VPS13D: variants seen among roughly 807,000 people sequenced by gnomAD.
VPS13D encodes the protein vacuolar protein sorting 13 homolog D, also known as intermembrane lipid transfer protein VPS13D.
In VPS13D, 187 loss-of-function variants were observed where a neutral mutation model predicts 461.9. That is an observed-to-expected ratio of 0.40 (90% confidence interval 0.36 to 0.46). The LOEUF is 0.46. Ranked by LOEUF, VPS13D falls within the 20% of genes least tolerant of loss-of-function variation. The pLI is 0.60. For missense variants in VPS13D, 4,711 were observed against 5,364.9 expected (o/e 0.88, Z 3.81); for synonymous variants, 1,951 against 1,986.3 (o/e 0.98, Z 0.47).
rs1557705859 is a variant in VPS13D at position 12,318,209 on chromosome 1, C to T, written c.7286C>T (p.Ser2429Phe). 6.2e-7 allele frequency: 1 copy of T among 1,614,226 alleles called. No individual in the cohort carries two copies. Among genetic ancestry groups the T allele is most frequent in the South Asian group, 1.1e-5 (1 of 91,080 alleles). Residue 2429 changes from serine to phenylalanine, a missense_variant, in exon 31 of 70, where the codon TCT becomes TTT. Physicochemically the swap from Ser to Phe is radical, Grantham distance 155. Coordinates refer to ENST00000620676, the MANE Select transcript of VPS13D (RefSeq NM_015378.4). ...DIKKQNHVTP[S>F]RHRNSSSESA... The stretch of plus-strand genomic sequence containing the variant: ...AAGAAACAAAATCATGTTACTCCTT[C>T]TCGCCACCGTAACTCTAGCAGCGAA...
chr1:12,453,339 T>G (rs1455620797), intron 65 of VPS13D, among the ~76,000 whole-genome samples: 4 of 152,080 alleles, frequency 2.6e-5, no homozygotes, highest in African/African-American at 9.7e-5. Context: ...TAAAGAGCAC[T>G]TTACCCTATC....
At position 12,282,934 on chromosome 1, in the gene VPS13D, A is replaced by T; in HGVS notation, c.4832A>T (p.Glu1611Val). ...NTSQKSLSVK[E>V]VKSFTQIQAT... ...TCTCAGAAGTCATTGTCAGTGAAGG[A>T]AGTCAAATCCTTTACTCAGATTCAA... The change falls in exon 21 of 70, where the codon GAA becomes GTA. Residue 1611 changes from glutamate to valine, a missense_variant. Transcript: ENST00000620676. The T allele has an allele frequency of 6.2e-7, 1 of 1,614,172 alleles. No homozygotes were observed. The highest frequency in any genetic ancestry group is 8.5e-7 in the Non-Finnish European group (1 of 1,180,016).
chr1:12,508,355 G>C (rs765940389), intron 69 of VPS13D, among the ~76,000 whole-genome samples: 23 of 152,054 alleles, frequency 1.5e-4, no homozygotes, highest in Non-Finnish European at 2.5e-4. Context: ...TATGGCCGTG[G>C]GGGGGAGTTC....
intron 5 of VPS13D, among the ~76,000 whole-genome samples, chr1:12,245,941 C>T (rs1640537786): frequency 6.6e-6 from 1 of 152,126 alleles, no homozygotes; most frequent in Non-Finnish European, 1.5e-5. Flanking sequence ...CACTTTATTC[C>T]TTTTTATGAC....
intron 63 of VPS13D, among the ~76,000 whole-genome samples, chr1:12,408,954 G>A (rs183956914): frequency 1.3e-5 from 2 of 152,252 alleles, no homozygotes; most frequent in East Asian, 3.9e-4. Context: ...GTCTGGTTAT[G>A]TCACTTGTCT....
Position 12,271,054 on chromosome 1 carries a change from A to G in VPS13D, c.2033A>G (p.Asn678Ser). The change falls in exon 17 of 70, where the codon AAC becomes AGC. Residue 678 changes from asparagine to serine, a missense_variant. This residue lies in a region of VPS13D where 4,411 missense variants were observed against 4,937.8 expected (regional missense o/e 0.89). Transcript: ENST00000620676. ...RVAEAARRQY[N>S]KLKMQTKAEI... ...GCTGAAGCTGCCCGAAGACAATATA[A>G]CAAGCTGAAGATGCAGACCAAGGCA... is the stretch of plus-strand genomic sequence containing the variant. 1 of 1,613,944 alleles carries G rather than the reference A, an allele frequency of 6.2e-7. No homozygotes were observed. Among genetic ancestry groups the G allele is most frequent in the Non-Finnish European group, 8.5e-7 (1 of 1,179,934 alleles).
chr1:12,492,056 C>G (rs1436457923), intron 67 of VPS13D, among the ~76,000 whole-genome samples: 1 of 152,210 alleles, frequency 6.6e-6, no homozygotes, highest in Non-Finnish European at 1.5e-5. Flanking sequence ...TTGGCCACCT[C>G]TTGTTCGGTG....
At chr1:12,472,518 A>T (rs1027558274) in intron 67 of VPS13D, among the ~76,000 whole-genome samples, 2 of 152,140 alleles carry the variant, frequency 1.3e-5, no homozygotes, top group African/African-American at 4.8e-5. Flanking sequence ...CATCCTAATT[A>T]GCTTTCTGCT....
intron 25 of VPS13D, among the ~76,000 whole-genome samples, chr1:12,303,775 G>C (rs995415188): frequency 2.0e-5 from 3 of 152,200 alleles, no homozygotes; most frequent in African/African-American, 7.2e-5. Context: ...CAGACATGTA[G>C]CTCCGAGGCC....
chr1:12,425,147 T>C, intron 65 of VPS13D, among the ~76,000 whole-genome samples: 1 of 152,186 alleles, frequency 6.6e-6, no homozygotes. Context: ...TTTTTTTAAA[T>C]TTCTTTCTAC....
chr1:12,335,950 C>T (rs1302018014), intron 39 of VPS13D, 123 bp downstream of exon 39: 6 of 1,411,566 alleles, frequency 4.3e-6, no homozygotes, highest in Middle Eastern at 1.8e-4. Context: ...TTCTGACTAT[C>T]TTCTGTAGTT....
intron 52 of VPS13D, among the ~76,000 whole-genome samples, chr1:12,367,248 G>GAAA (rs1644048508): frequency 6.6e-6 from 1 of 152,186 alleles, no homozygotes; most frequent in Admixed American, 6.5e-5. Context: ...CCTGTCTGTA[G>GAAA]ATTTGGGTCA....
In VPS13D at chr1:12,379,902, G is replaced by A. The variant is rs1644250061; in HGVS notation, c.11190+306G>A. Among the ~76,000 whole-genome samples the A allele has an allele frequency of 2.0e-5, 3 of 151,832 alleles. No homozygotes were observed. The South Asian group carries it at 6.2e-4, about 32-fold the overall frequency. On this transcript the variant is annotated intron_variant, in intron 57 of 69. Coordinates refer to ENST00000620676, the MANE Select transcript of VPS13D (RefSeq NM_015378.4). Reference sequence around the variant, plus strand: ...TCCTTCCTCAGCCTCCCGAGTAGCTGGGACTACAGGTGCCCGCCACCACGC... The same window carrying A: ...TCCTTCCTCAGCCTCCCGAGTAGCTAGGACTACAGGTGCCCGCCACCACGC...
At chr1:12,437,076 G>A (rs1645071860) in intron 65 of VPS13D, among the ~76,000 whole-genome samples, 1 of 152,048 alleles carries the variant, frequency 6.6e-6, no homozygotes, top group South Asian at 2.1e-4. Flanking sequence ...GGCGGCGGGA[G>A]GGGGGTACCC....
At chr1:12,311,016 A>G (rs532203533) in intron 27 of VPS13D, among the ~76,000 whole-genome samples, 7 of 151,918 alleles carry the variant, frequency 4.6e-5, no homozygotes, top group East Asian at 1.9e-4. Flanking sequence ...TCCTGGGCTC[A>G]AGTGAACCCC....
chr1:12,410,069 C>T (rs1437593808), intron 63 of VPS13D, among the ~76,000 whole-genome samples: 1 of 152,132 alleles, frequency 6.6e-6, no homozygotes. Flanking sequence ...TTCATTGCTA[C>T]TAAGAGAGCT....
At chr1:12,435,408 C>T (rs948373106) in intron 65 of VPS13D, among the ~76,000 whole-genome samples, 1 of 152,186 alleles carries the variant, frequency 6.6e-6, no homozygotes, top group African/African-American at 2.4e-5. Flanking sequence ...CTGCAGTGAG[C>T]TGTGTTTGCA....
chr1:12,452,496 C>T (rs757662841), intron 65 of VPS13D, among the ~76,000 whole-genome samples: 3 of 152,260 alleles, frequency 2.0e-5, no homozygotes, highest in Non-Finnish European at 4.4e-5. Context: ...CCTCCCTCCA[C>T]AGCCCACTTG....
intron 26 of VPS13D, among the ~76,000 whole-genome samples, chr1:12,305,073 A>G (rs559052175): frequency 3.9e-5 from 6 of 152,282 alleles, no homozygotes; most frequent in Non-Finnish European, 7.4e-5. Context: ...CACTACCCAG[A>G]CACTGTCCTT....
Sources: gnomAD v4.1 joint callset for allele counts (sites outside exome capture counted in the v4.1 genomes callset) on GRCh38, gnomAD v4.1.1 for gene constraint, gnomAD v4.1.1 regional missense constraint, MANE v1.5 for transcripts, NCBI Gene and HGNC (gene_info 2026-07-23, HGNC 2026-07-21) for gene names.